The following ABL2 variants were observed in gnomAD, a reference collection of about 807,000 sequenced individuals.
ABL2 encodes ABL proto-oncogene 2, non-receptor tyrosine kinase.
Under a neutral mutation model 107.7 loss-of-function variants are expected in ABL2, and 49 were observed. The observed-to-expected ratio is 0.45, with a 90% CI of 0.36 to 0.58. ABL2 has a LOEUF of 0.58. Ranked by LOEUF, ABL2 falls within the 20% of genes least tolerant of loss-of-function variation. ABL2 has a pLI of 0.00. For synonymous variants in ABL2, 549 were observed against 548.6 expected (o/e 1.00, Z -0.01); for missense variants, 1,245 against 1,457.0 (o/e 0.85, Z 2.37).
intron 1 of ABL2, among the ~76,000 whole-genome samples, chr1:179,141,081 A>T (rs1039769969): frequency 6.8e-6 from 1 of 146,732 alleles, no homozygotes; most frequent in Non-Finnish European, 1.5e-5. Flanking sequence ...AGACTGCTGC[A>T]CTCCAACTTG....
At chr1:179,115,444 A>G (rs908146734) in intron 8 of ABL2, among the ~76,000 whole-genome samples, 1 of 152,194 alleles carries the variant, frequency 6.6e-6, no homozygotes, top group Non-Finnish European at 1.5e-5. Context: ...TTAAATAGAA[A>G]ATTCCAGAAA....
intron 1 of ABL2, among the ~76,000 whole-genome samples, chr1:179,225,127 T>C (rs888898091): frequency 2.6e-5 from 4 of 152,196 alleles, no homozygotes; most frequent in African/African-American, 7.2e-5. Flanking sequence ...TCTATTATTT[T>C]TGTTCCTTCT....
At chr1:179,166,876 GGCT>G (rs1246117368) in intron 1 of ABL2, among the ~76,000 whole-genome samples, 7 of 151,916 alleles carry the variant, frequency 4.6e-5, no homozygotes, top group African/African-American at 1.7e-4. Flanking sequence ...CACTTGGAAT[GGCT>G]GCTATTAAAA....
At chr1:179,153,389 G>C (rs1176209510) in intron 1 of ABL2, among the ~76,000 whole-genome samples, 1 of 151,942 alleles carries the variant, frequency 6.6e-6, no homozygotes, top group Non-Finnish European at 1.5e-5. Flanking sequence ...TGGGAGGCCG[G>C]AAGTCTGAAA....
At chr1:179,127,703 T>G (rs1382655245) in intron 3 of ABL2, among the ~76,000 whole-genome samples, 1 of 152,070 alleles carries the variant, frequency 6.6e-6, no homozygotes, top group East Asian at 1.9e-4. Context: ...ACTTCTTCAG[T>G]GTCAAAAAGT....
chr1:179,110,846 CTGG>C (rs750838309), intron 10 of ABL2: 1 of 1,614,016 alleles, frequency 6.2e-7, no homozygotes, highest in Non-Finnish European at 8.5e-7. Flanking sequence ...TGTAGGAGAA[CTGG>C]TGGATCACAG....
In ABL2 at chr1:179,130,726, T is replaced by TTGTGTGTGTGTG. The variant is rs10643666; in HGVS notation, c.391+573_391+584dup. Reference sequence around the variant, plus strand: ...CAAATAAAATCAATCATTATTGATTTTGTGTGTGTGTGTGTGTGTGTGTGT... The same window carrying TTGTGTGTGTGTG: ...CAAATAAAATCAATCATTATTGATTTTGTGTGTGTGTGTGTGTGTGTGTGTGTGTGTGTGTGT... On this transcript the variant is annotated intron_variant, in intron 3 of 11. Coordinates refer to ENST00000502732, the MANE Select transcript of ABL2 (RefSeq NM_007314.4). Among the ~76,000 whole-genome samples the TTGTGTGTGTGTG allele has an allele frequency of 5.9e-3, 844 of 142,798 alleles. 5 individuals carry two copies. The highest frequency in any genetic ancestry group is 0.019 in the African/African-American group (720 of 38,426). The allele number at this position is 142,798 out of a possible 152,430, so 93.7% of individuals were successfully genotyped here. A position where few individuals can be genotyped will look rare whatever the true frequency, so the allele number is the denominator to read the frequency against.
At chr1:179,143,148 T>G (rs1657742001) in intron 1 of ABL2, 2 of 1,428,394 alleles carry the variant, frequency 1.4e-6, no homozygotes, top group East Asian at 2.5e-5. Flanking sequence ...CATTTACTCA[T>G]GTACTCAGTG....
chr1:179,193,793 G>A (rs1026514956), intron 1 of ABL2, among the ~76,000 whole-genome samples: 7 of 151,988 alleles, frequency 4.6e-5, no homozygotes, highest in South Asian at 2.1e-4. Flanking sequence ...GTGCAATGGC[G>A]CGATCTCGGC....
At chr1:179,114,205 G>A (rs2102599825) in intron 9 of ABL2, among the ~76,000 whole-genome samples, 1 of 151,944 alleles carries the variant, frequency 6.6e-6, no homozygotes, top group East Asian at 1.9e-4. Flanking sequence ...CAAAGATTGT[G>A]CCACTGCACT....
At chr1:179,197,592 G>A (rs1661395533) in intron 1 of ABL2, among the ~76,000 whole-genome samples, 1 of 151,894 alleles carries the variant, frequency 6.6e-6, no homozygotes, top group African/African-American at 2.4e-5. Context: ...AAAAAGGCCG[G>A]GTGAGGTGGC....
chr1:179,217,442 A>G (rs1485771971), intron 1 of ABL2, among the ~76,000 whole-genome samples: 2 of 151,948 alleles, frequency 1.3e-5, no homozygotes, highest in East Asian at 1.9e-4. Context: ...CCTGGCCAAC[A>G]TGGTGAAACC....
At chr1:179,147,339 C>G (rs2816183) in intron 1 of ABL2, among the ~76,000 whole-genome samples, 52,100 of 151,936 alleles carry the variant, frequency 0.34, 9,395 homozygotes, top group East Asian at 0.49. Flanking sequence ...AACTATACTT[C>G]AATCCAGCAA....
intron 1 of ABL2, among the ~76,000 whole-genome samples, chr1:179,159,614 A>T (rs1412692310): frequency 6.6e-6 from 1 of 152,156 alleles, no homozygotes; most frequent in Non-Finnish European, 1.5e-5. Context: ...GACTTCCTAA[A>T]ATTTTGATTA....
intron 1 of ABL2, among the ~76,000 whole-genome samples, chr1:179,190,264 C>A (rs2793812): frequency 0.35 from 52,552 of 151,890 alleles, 9,493 homozygotes; most frequent in East Asian, 0.48. Context: ...ATTTCCACAA[C>A]CCCCTCCTTG....
At chr1:179,132,480 A>C (rs892523401) in intron 2 of ABL2, among the ~76,000 whole-genome samples, 1 of 152,114 alleles carries the variant, frequency 6.6e-6, no homozygotes, top group South Asian at 2.1e-4. Flanking sequence ...TCTATGTCAT[A>C]TAACAACACT....
At chr1:179,225,987 T>G (rs1663174914) in intron 1 of ABL2, among the ~76,000 whole-genome samples, 2 of 128,240 alleles carry the variant, frequency 1.6e-5, no homozygotes, top group South Asian at 4.8e-4. Flanking sequence ...GAGCTTGCAG[T>G]GAGCCGAGAT....
intron 1 of ABL2, among the ~76,000 whole-genome samples, chr1:179,175,229 GAGTT>G (rs1223893836): frequency 6.6e-6 from 1 of 152,096 alleles, no homozygotes; most frequent in East Asian, 1.9e-4. Context: ...GAGAAAAGAT[GAGTT>G]AGTTATGTTT....
chr1:179,228,337 ACT>A (rs1663346951), intron 1 of ABL2, among the ~76,000 whole-genome samples: 1 of 151,876 alleles, frequency 6.6e-6, no homozygotes, highest in South Asian at 2.1e-4. Flanking sequence ...CCAAAGCGAG[ACT>A]CTGTCTCAAA....
Sources: allele counts gnomAD v4.1 joint callset (sites outside exome capture counted in the v4.1 genomes callset), GRCh38; gene constraint gnomAD v4.1.1; transcripts MANE v1.5; gene names NCBI Gene and HGNC (gene_info 2026-07-23, HGNC 2026-07-21).